The following EPHB1 variants were observed in gnomAD, a reference collection of about 807,000 sequenced individuals.
EPHB1 encodes EPH receptor B1, also known as ephrin type-B receptor 1.
Under a neutral mutation model 94.4 loss-of-function variants are expected in EPHB1, and 30 were observed. The ratio of observed to expected loss-of-function variants is 0.32; its 90% CI spans 0.24 to 0.43. The LOEUF (loss-of-function observed/expected upper bound fraction) is 0.43, where lower values mean the gene tolerates loss of function less well. Among genes scored for constraint, EPHB1 ranks in the 20% least tolerant of loss-of-function variants. The pLI, the probability that EPHB1 is intolerant of heterozygous loss-of-function variation, is 1.00. For missense variants in EPHB1, 1,055 were observed against 1,308.3 expected (o/e 0.81, Z 2.99); for synonymous variants, 522 against 489.1 (o/e 1.07, Z -0.89).
intron 15 of EPHB1, among the ~76,000 whole-genome samples, chr3:135,250,609 G>A (rs923705570): frequency 6.6e-5 from 10 of 152,178 alleles, no homozygotes; most frequent in African/African-American, 2.2e-4. Flanking sequence ...CAAAGTTTGG[G>A]AACCACTGGA....
intron 3 of EPHB1, among the ~76,000 whole-genome samples, chr3:135,064,861 A>G (rs1283699525): frequency 1.3e-5 from 2 of 152,094 alleles, no homozygotes; most frequent in African/African-American, 4.8e-5. Flanking sequence ...CTTTCCTCTT[A>G]GCACTGCCTT....
At chr3:135,144,124 T>A (rs931878892) in intron 5 of EPHB1, among the ~76,000 whole-genome samples, 3 of 152,068 alleles carry the variant, frequency 2.0e-5, no homozygotes, top group African/African-American at 7.2e-5. Flanking sequence ...AAATGCAGAG[T>A]GCATGAGTTG....
At chr3:134,946,959 A>G (rs1202523145) in intron 2 of EPHB1, among the ~76,000 whole-genome samples, 1 of 152,234 alleles carries the variant, frequency 6.6e-6, no homozygotes, top group African/African-American at 2.4e-5. Context: ...GGACTCATAC[A>G]GAGGGTCTTT....
chr3:134,953,021 G>A (rs887304960), intron 3 of EPHB1, among the ~76,000 whole-genome samples: 1 of 152,072 alleles, frequency 6.6e-6, no homozygotes, highest in African/African-American at 2.4e-5. Context: ...CTTCCTATAT[G>A]GACCTCAGAA....
Position 135,192,767 on chromosome 3 carries a change from C to A in EPHB1, c.2074C>A (p.Pro692Thr). 6.2e-7 allele frequency: 1 copy of A among 1,614,086 alleles called. No individual in the cohort carries two copies. The highest frequency in any genetic ancestry group is 1.1e-5 in the South Asian group (1 of 91,052). The stretch of plus-strand genomic sequence containing the variant: ...GGAGGGTGTGGTCACCAAGAGTCGG[C>A]CTGTCATGATCATCACAGAGTTCAT... ...RLEGVVTKSR[P>T]VMIITEFMEN... The change falls in exon 11 of 16, where the codon CCT (proline) becomes ACT (threonine). Residue 692 changes from proline (P) to threonine (T), a missense_variant. Transcript: ENST00000398015.
chr3:135,169,370 C>T (rs1471474108), intron 9 of EPHB1, among the ~76,000 whole-genome samples: 1 of 152,138 alleles, frequency 6.6e-6, no homozygotes, highest in Non-Finnish European at 1.5e-5. Flanking sequence ...GGAAGTCTGT[C>T]CTCTTTTTAA....
intron 4 of EPHB1, among the ~76,000 whole-genome samples, chr3:135,126,897 G>T (rs937763155): frequency 6.6e-6 from 1 of 152,124 alleles, no homozygotes; most frequent in Non-Finnish European, 1.5e-5. Flanking sequence ...AGAGGTCTCT[G>T]CTCAAGAAAG....
In EPHB1 at chr3:134,888,758, A is replaced by G. The variant is rs539710554; in HGVS notation, c.59-37058A>G. Among the ~76,000 whole-genome samples, 22 of 152,072 alleles carry G rather than the reference A, an allele frequency of 1.4e-4. No homozygotes were observed. The South Asian group carries it at 4.2e-3, about 29-fold the overall frequency. ...CTTTTCTTCCTGAAAATCATAAGGC[A>G]TATCTTCCCAGAGGGCCAGTGTAAT... On this transcript the variant is annotated intron_variant, in intron 1 of 15. Coordinates refer to ENST00000398015, the MANE Select transcript of EPHB1 (RefSeq NM_004441.5).
At chr3:135,072,057 A>T (rs1036322186) in intron 3 of EPHB1, among the ~76,000 whole-genome samples, 40 of 152,130 alleles carry the variant, frequency 2.6e-4, no homozygotes, top group African/African-American at 9.2e-4. Context: ...CACTCCACAC[A>T]GCAGGCAGAT....
chr3:135,114,580 C>T (rs1393808752), intron 4 of EPHB1, among the ~76,000 whole-genome samples: 17 of 144,580 alleles, frequency 1.2e-4, no homozygotes, highest in Non-Finnish European at 2.1e-4. Flanking sequence ...AAAAATTAGC[C>T]GGGCGTGGTG....
intron 12 of EPHB1, among the ~76,000 whole-genome samples, chr3:135,240,774 C>A (rs1048425015): frequency 6.6e-6 from 1 of 152,150 alleles, no homozygotes; most frequent in African/African-American, 2.4e-5. Context: ...TTTACATTGC[C>A]AGGGAGCAAA....
intron 3 of EPHB1, among the ~76,000 whole-genome samples, chr3:134,990,266 G>T (rs1934748627): frequency 6.6e-6 from 1 of 152,140 alleles, no homozygotes; most frequent in East Asian, 1.9e-4. Context: ...TATTCTATTT[G>T]CTGGCTGAAT....
At chr3:135,062,136 G>A (rs1277162989) in intron 3 of EPHB1, among the ~76,000 whole-genome samples, 1 of 152,184 alleles carries the variant, frequency 6.6e-6, no homozygotes, top group Non-Finnish European at 1.5e-5. Flanking sequence ...ATTGTGAATT[G>A]TGCTGCTTTA....
At chr3:135,001,620 C>G (rs964165419) in intron 3 of EPHB1, among the ~76,000 whole-genome samples, 11 of 152,220 alleles carry the variant, frequency 7.2e-5, no homozygotes, top group Non-Finnish European at 1.3e-4. Flanking sequence ...CCCAGAGCAC[C>G]ACTCTCACTG....
At position 135,235,294 on chromosome 3, in the gene EPHB1, A is replaced by G. The variant is rs530686724; in HGVS notation, c.2347-5854A>G. ...TTTAAGACAATTCCTAAAGCAATCC[A>G]TGACTTATGTCGGATTGATCTATGC... On this transcript the variant is annotated intron_variant, in intron 12 of 15. Coordinates refer to ENST00000398015, the MANE Select transcript of EPHB1 (RefSeq NM_004441.5). 2.0e-5 allele frequency among the ~76,000 whole-genome samples: 3 copies of G among 152,346 alleles called. No individual in the cohort carries two copies. In the South Asian group the frequency reaches 6.2e-4, roughly 32 times the overall value.
chr3:134,845,193 C>T (rs1267209671), intron 1 of EPHB1, among the ~76,000 whole-genome samples: 1 of 152,184 alleles, frequency 6.6e-6, no homozygotes, highest in Non-Finnish European at 1.5e-5. Flanking sequence ...AAATAAAACT[C>T]AATTCTTGGA....
intron 1 of EPHB1, among the ~76,000 whole-genome samples, chr3:134,833,984 G>A (rs1351877217): frequency 2.0e-5 from 3 of 152,148 alleles, no homozygotes; most frequent in Non-Finnish European, 4.4e-5. Flanking sequence ...AACCACTAAA[G>A]GGTTTTAGGC....
chr3:134,895,606 A>G (rs1365648000), intron 1 of EPHB1, among the ~76,000 whole-genome samples: 2 of 152,272 alleles, frequency 1.3e-5, no homozygotes, highest in African/African-American at 4.8e-5. Context: ...ATCTGAAAAC[A>G]TGCACTTTTC....
intron 3 of EPHB1, among the ~76,000 whole-genome samples, chr3:134,957,668 T>C (rs6785203): frequency 0.5 from 75,560 of 151,936 alleles, 19,679 homozygotes; most frequent in African/African-American, 0.64. Flanking sequence ...CTGGGTGTTA[T>C]AGAAACAAAC....
Sources: gnomAD v4.1 joint callset for allele counts (sites outside exome capture counted in the v4.1 genomes callset) on GRCh38, gnomAD v4.1.1 for gene constraint, MANE v1.5 for transcripts, NCBI Gene and HGNC (gene_info 2026-07-23, HGNC 2026-07-21) for gene names.